The following ADORA2B variants were observed in gnomAD, a reference collection of about 807,000 sequenced individuals.
ADORA2B encodes the protein adenosine A2b receptor, also known as adenosine receptor A2b.
In ADORA2B, 18 loss-of-function variants were observed where a neutral mutation model predicts 20.8. The ratio of observed to expected loss-of-function variants is 0.87; its 90% confidence interval spans 0.60 to 1.29. ADORA2B has a LOEUF of 1.29. Among genes scored for constraint, ADORA2B ranks in the 50% most tolerant of loss-of-function variants. ADORA2B has a pLI of 0.00. For missense variants in ADORA2B, 441 were observed against 422.7 expected, an observed-to-expected ratio of 1.04 and a Z score of -0.38; for synonymous variants, 179 against 178.3, an observed-to-expected ratio of 1.00 and a Z score of -0.03.
chr17:15,948,407 G>GGGGGGGGGGGGGGGGGGC (rs56222691), intron 1 of ADORA2B, among the ~76,000 whole-genome samples: 5 of 33,768 alleles, frequency 1.5e-4, no homozygotes, highest in Non-Finnish European at 2.6e-4. Context: ...GCGGCGGGGG[G>GGGGGGGGGGGGGGGGGGC]CTCCAGTCCC....
the ADORA2B span, among the ~76,000 whole-genome samples, chr17:15,866,709 G>GCCGCTGCCTCTGCCGCTGC: frequency 6.7e-6 from 1 of 149,326 alleles, no homozygotes; most frequent in African/African-American, 2.6e-5. Flanking sequence ...CTCTGCCGCT[G>GCCGCTGCCTCTGCCGCTGC]CCGCTGCCTC....
upstream of ADORA2B, among the ~76,000 whole-genome samples, chr17:15,944,082 C>G (rs1022534049): frequency 3.3e-5 from 5 of 152,162 alleles, no homozygotes; most frequent in Admixed American, 3.3e-4. The surrounding 1 kb of genome is among the most constrained non-coding windows in gnomAD (Gnocchi z 4.8). Context: ...ACCAGCAGCA[C>G]TGCTGATCAT....
chr17:15,926,321 A>G, the ADORA2B span, among the ~76,000 whole-genome samples: 1 of 151,944 alleles, frequency 6.6e-6, no homozygotes, highest in Non-Finnish European at 1.5e-5. Flanking sequence ...ACACAAGATG[A>G]CAGGTGTTGA....
At chr17:15,952,223 G>C (rs1186491832) in intron 1 of ADORA2B, among the ~76,000 whole-genome samples, 1 of 152,170 alleles carries the variant, frequency 6.6e-6, no homozygotes, top group Non-Finnish European at 1.5e-5. Context: ...CACAGCATGG[G>C]TGTACACTGC....
the ADORA2B span, among the ~76,000 whole-genome samples, chr17:15,864,633 G>T: frequency 3.9e-4 from 60 of 152,210 alleles, no homozygotes; most frequent in African/African-American, 1.2e-3. Context: ...GAGAACGTGA[G>T]GGGGAGGGGA....
the ADORA2B span, among the ~76,000 whole-genome samples, chr17:15,856,834 G>C: frequency 3.9e-5 from 6 of 152,216 alleles, no homozygotes; most frequent in South Asian, 1.2e-3. Flanking sequence ...ATAAAAGTTT[G>C]GAATATTTGC....
intron 1 of ADORA2B, among the ~76,000 whole-genome samples, chr17:15,970,595 G>T (rs1268828273): frequency 2.0e-5 from 3 of 152,134 alleles, no homozygotes; most frequent in African/African-American, 2.4e-5. Context: ...TCTTTTCTTT[G>T]TTTTCTTTTC....
intron 1 of ADORA2B, among the ~76,000 whole-genome samples, chr17:15,960,825 G>A (rs1325836221): frequency 6.8e-5 from 10 of 146,458 alleles, no homozygotes; most frequent in Middle Eastern, 4.0e-3. Flanking sequence ...GCAGTGAGCC[G>A]AGATCATGCC....
chr17:15,945,720 T>G, intron 1 of ADORA2B, 137 bp downstream of exon 1: 2 of 810,534 alleles, frequency 2.5e-6, no homozygotes, highest in Non-Finnish European at 3.8e-6. Context: ...GGAGGGCTGG[T>G]TCCCAGCCTG....
At chr17:15,866,070 G>A in the ADORA2B span, among the ~76,000 whole-genome samples, 6 of 151,952 alleles carry the variant, frequency 3.9e-5, no homozygotes, top group Non-Finnish European at 8.8e-5. Flanking sequence ...ATTATTGATA[G>A]ATCGTTGAGT....
the ADORA2B span, among the ~76,000 whole-genome samples, chr17:15,923,163 C>G: frequency 1.3e-5 from 2 of 150,312 alleles, no homozygotes; most frequent in East Asian, 3.9e-4. Flanking sequence ...GCTGGGATTG[C>G]AGGCACCTGC....
At chr17:15,860,738 G>C in the ADORA2B span, 1 of 153,654 alleles carries the variant, frequency 6.5e-6, no homozygotes, top group Non-Finnish European at 1.5e-5. Flanking sequence ...GATAAAATGA[G>C]AACTGTGTTG....
the ADORA2B span, among the ~76,000 whole-genome samples, chr17:15,852,927 C>A: frequency 6.6e-6 from 1 of 151,688 alleles, no homozygotes; most frequent in Admixed American, 6.6e-5. Context: ...ACAAGAAAAA[C>A]AAGACAGATA....
At chr17:15,931,999 G>A in the ADORA2B span, among the ~76,000 whole-genome samples, 1 of 152,056 alleles carries the variant, frequency 6.6e-6, no homozygotes, top group Non-Finnish European at 1.5e-5. Flanking sequence ...CCCAAGTGCT[G>A]GGATTACAGG....
the ADORA2B span, among the ~76,000 whole-genome samples, chr17:15,879,819 C>G: frequency 0.061 from 8,677 of 143,392 alleles, 940 homozygotes; most frequent in African/African-American, 0.22. Flanking sequence ...TTACAGGCAT[C>G]AGCCACCGCA....
At chr17:15,855,392 C>G in the ADORA2B span, among the ~76,000 whole-genome samples, 1 of 151,918 alleles carries the variant, frequency 6.6e-6, no homozygotes, top group East Asian at 1.9e-4. Context: ...TGCTTGGCCT[C>G]TTGTGTAACA....
chr17:15,929,529 C>T, the ADORA2B span, among the ~76,000 whole-genome samples: 1 of 152,154 alleles, frequency 6.6e-6, no homozygotes, highest in Non-Finnish European at 1.5e-5. Flanking sequence ...TGCTCTCCTC[C>T]CTCCACCAGG....
rs755644441 is a variant in ADORA2B at position 15,974,977 on chromosome 17, C to G, written c.634C>G (p.Gln212Glu). ...YIKIFLVACR[Q>E]LQRTELMDHS... ...TAAGATCTTCCTGGTGGCCTGCAGG[C>G]AGCTTCAGCGCACTGAGCTGATGGA... Residue 212 changes from glutamine (Q) to glutamate (E), a missense_variant, in exon 2 of 2, where the codon CAG becomes GAG. Physicochemically the swap from Gln to Glu is conservative, Grantham distance 29. Coordinates refer to ENST00000304222, the MANE Select transcript of ADORA2B (RefSeq NM_000676.4). The G allele has an allele frequency of 6.2e-7, 1 of 1,614,200 alleles. No individual in the cohort carries two copies. The highest frequency in any genetic ancestry group is 1.7e-5 in the Admixed American group (1 of 60,026).
the ADORA2B span, among the ~76,000 whole-genome samples, chr17:15,885,072 G>T: frequency 1.3e-5 from 2 of 152,098 alleles, no homozygotes; most frequent in Non-Finnish European, 2.9e-5. Flanking sequence ...CCACAAACTT[G>T]CCAGCATCCA....
Sources: allele counts gnomAD v4.1 joint callset (sites outside exome capture counted in the v4.1 genomes callset), GRCh38; gene constraint gnomAD v4.1.1; non-coding constraint Gnocchi (gnomAD v3.1); transcripts MANE v1.5; gene names NCBI Gene and HGNC (gene_info 2026-07-23, HGNC 2026-07-21).